Variants in PARD3 observed in about 807,000 individuals in gnomAD.
PARD3 encodes par-3 family cell polarity regulator.
Under a neutral mutation model 155.4 loss-of-function variants are expected in PARD3, and 75 were observed. The observed-to-expected ratio is 0.48, with a 90% CI of 0.40 to 0.58. The LOEUF (loss-of-function observed/expected upper bound fraction) is 0.58, where lower values mean the gene tolerates loss of function less well. Ranked by LOEUF, PARD3 falls within the 20% of genes least tolerant of loss-of-function variation. PARD3 has a pLI of 0.00. For missense variants in PARD3, 1,642 were observed against 1,721.7 expected, an observed-to-expected ratio of 0.95 and a Z score of 0.82; for synonymous variants, 576 against 610.5, an observed-to-expected ratio of 0.94 and a Z score of 0.83.
chr10:34,799,261 C>T (rs1322724291), intron 1 of PARD3, among the ~76,000 whole-genome samples: 5 of 152,086 alleles, frequency 3.3e-5, no homozygotes, highest in Non-Finnish European at 5.9e-5. Flanking sequence ...AGGCTGGTCT[C>T]GAACTCCTGA....
At chr10:34,776,124 A>G (rs1156919540) in intron 1 of PARD3, among the ~76,000 whole-genome samples, 1 of 152,218 alleles carries the variant, frequency 6.6e-6, no homozygotes, top group Non-Finnish European at 1.5e-5. Flanking sequence ...TACGAAGCCA[A>G]TAAAATTCAT....
chr10:34,131,171 A>G (rs1947590052), intron 23 of PARD3, among the ~76,000 whole-genome samples: 1 of 152,210 alleles, frequency 6.6e-6, no homozygotes, highest in South Asian at 2.1e-4. Flanking sequence ...CTACAGAAAA[A>G]TATTTACTAA....
In PARD3 at chr10:34,565,178, G is replaced by C. The variant is rs77786634; in HGVS notation, c.223-48019C>G. On this transcript the variant is annotated intron_variant, in intron 2 of 24. Transcript: ENST00000374788. ...TAGCCAAGTATACTTCATCATGAAA[G>C]CTAGTTTAATTATATTAAGACAGTT... 1.0e-3 allele frequency among the ~76,000 whole-genome samples: 147 copies of C among 147,440 alleles called. 3 individuals are homozygous for C. The East Asian group carries it at 0.025, about 25-fold the overall frequency.
intron 4 of PARD3, among the ~76,000 whole-genome samples, chr10:34,452,953 T>C (rs1363813730): frequency 6.6e-6 from 1 of 152,210 alleles, no homozygotes; most frequent in East Asian, 1.9e-4. Context: ...ATAAACCTAG[T>C]TCAGGATCAA....
At chr10:34,726,446 C>CGTT in intron 1 of PARD3, among the ~76,000 whole-genome samples, 1 of 152,258 alleles carries the variant, frequency 6.6e-6, no homozygotes, top group African/African-American at 2.4e-5. Flanking sequence ...ATTAGCCAGG[C>CGTT]GTGGTGGCAC....
intron 2 of PARD3, among the ~76,000 whole-genome samples, chr10:34,628,436 G>C (rs536942864): frequency 2.6e-5 from 4 of 152,212 alleles, no homozygotes; most frequent in Non-Finnish European, 5.9e-5. Context: ...CTTCTGTAAA[G>C]GGCCACAGAG....
At chr10:34,674,180 T>C (rs2093659562) in intron 2 of PARD3, among the ~76,000 whole-genome samples, 1 of 152,198 alleles carries the variant, frequency 6.6e-6, no homozygotes, top group Non-Finnish European at 1.5e-5. Context: ...CACTGTCTAT[T>C]GTACAAAGAA....
At chr10:34,370,960 A>C (rs1840538522) in intron 12 of PARD3, among the ~76,000 whole-genome samples, 1 of 152,096 alleles carries the variant, frequency 6.6e-6, no homozygotes, top group Non-Finnish European at 1.5e-5. Context: ...CACTACGTAA[A>C]CTATCCTTTT....
At chr10:34,266,120 G>A (rs1025938086) in intron 22 of PARD3, among the ~76,000 whole-genome samples, 1 of 152,076 alleles carries the variant, frequency 6.6e-6, no homozygotes, top group African/African-American at 2.4e-5. Flanking sequence ...TTGTATAATG[G>A]TTGTCAACAG....
In PARD3 at chr10:34,227,854, T is replaced by TATATATATATATATATATATATA. The variant is rs1952683542; in HGVS notation, c.3419+41802_3419+41803insTATATATATATATATATATATAT. ...TATATTCCCAGTAATGGGAATTATT[T>TATATATATATATATATATATATA]TTTATATATATATATATATATATAT... On this transcript the variant is annotated intron_variant, in intron 22 of 24. Transcript: ENST00000374788. Among the ~76,000 whole-genome samples, 36 of 26,492 alleles carry TATATATATATATATATATATATA rather than the reference T, an allele frequency of 1.4e-3. 3 individuals carry two copies. Among genetic ancestry groups the TATATATATATATATATATATATA allele is most frequent in the African/African-American group, 2.6e-3 (35 of 13,300 alleles). 17.4% of individuals were successfully genotyped at this position (26,492 alleles called of 152,430 possible).
chr10:34,751,264 G>T (rs1392232703), intron 1 of PARD3, among the ~76,000 whole-genome samples: 1 of 152,062 alleles, frequency 6.6e-6, no homozygotes, highest in Non-Finnish European at 1.5e-5. Context: ...CTAATAAATG[G>T]AATTGGTTGC....
At chr10:34,482,910 A>G (rs1273157744) in intron 3 of PARD3, among the ~76,000 whole-genome samples, 1 of 152,040 alleles carries the variant, frequency 6.6e-6, no homozygotes, top group African/African-American at 2.4e-5. Context: ...GCACTTTGGG[A>G]GGCCAAGGCG....
chr10:34,190,400 T>A (rs374866244), intron 22 of PARD3, among the ~76,000 whole-genome samples: 1 of 152,228 alleles, frequency 6.6e-6, no homozygotes, highest in Non-Finnish European at 1.5e-5. Context: ...ATAAAATGTA[T>A]TTTATAATAA....
At chr10:34,738,781 G>T (rs966494235) in intron 1 of PARD3, among the ~76,000 whole-genome samples, 2 of 152,126 alleles carry the variant, frequency 1.3e-5, no homozygotes, top group Admixed American at 6.6e-5. Context: ...AGGTCAGGGG[G>T]AGGATGGGTG....
chr10:34,455,653 A>G (rs1461834299), intron 4 of PARD3, among the ~76,000 whole-genome samples: 1 of 152,210 alleles, frequency 6.6e-6, no homozygotes, highest in Non-Finnish European at 1.5e-5. Context: ...AGGCTTAATC[A>G]CCAACTTGTA....
At chr10:34,551,308 C>A (rs894274204) in intron 2 of PARD3, among the ~76,000 whole-genome samples, 12 of 152,170 alleles carry the variant, frequency 7.9e-5, no homozygotes, top group African/African-American at 2.7e-4. Context: ...ACCAGCTCTA[C>A]CTGTGGACTC....
chr10:34,402,298 T>C (rs1203634362), intron 5 of PARD3, among the ~76,000 whole-genome samples: 1 of 152,200 alleles, frequency 6.6e-6, no homozygotes, highest in Non-Finnish European at 1.5e-5. Flanking sequence ...CAAATATACA[T>C]GACATTGGAA....
chr10:34,266,664 T>A (rs1204818333), intron 22 of PARD3, among the ~76,000 whole-genome samples: 1 of 152,164 alleles, frequency 6.6e-6, no homozygotes, highest in East Asian at 1.9e-4. Context: ...AAGATGTGAT[T>A]CTGAGTTACT....
chr10:34,703,949 T>G (rs1488665342), intron 1 of PARD3, among the ~76,000 whole-genome samples: 1 of 152,192 alleles, frequency 6.6e-6, no homozygotes, highest in Non-Finnish European at 1.5e-5. Context: ...CATTACCCCT[T>G]TGTAAGTGGA....
Sources: gnomAD v4.1 joint callset for allele counts (sites outside exome capture counted in the v4.1 genomes callset) on GRCh38, gnomAD v4.1.1 for gene constraint, MANE v1.5 for transcripts, NCBI Gene and HGNC (gene_info 2026-07-23, HGNC 2026-07-21) for gene names.